Variants in MBD2 observed in about 807,000 individuals in gnomAD.
MBD2 encodes the protein methyl-CpG binding domain protein 2.
Under a neutral mutation model 39.3 loss-of-function variants are expected in MBD2, and 9 were observed. The ratio of observed to expected loss-of-function variants is 0.23; its 90% CI spans 0.14 to 0.40. MBD2 has a LOEUF of 0.40. MBD2 is among the 10% of genes least tolerant of loss of function. The probability of loss-of-function intolerance (pLI) is 1.00; values close to 1 mark genes in which losing one functional copy is unlikely to be tolerated. For synonymous variants in MBD2, 233 were observed against 211.1 expected, an observed-to-expected ratio of 1.10 and a Z score of -0.90; for missense variants, 458 against 532.6, an observed-to-expected ratio of 0.86 and a Z score of 1.38.
chr18:54,208,758 T>C (rs912981875), intron 1 of MBD2, among the ~76,000 whole-genome samples: 2 of 152,206 alleles, frequency 1.3e-5, no homozygotes, highest in Non-Finnish European at 2.9e-5. Context: ...TATCTTAAAG[T>C]TGAAATGTCA....
rs373844958 is a variant in MBD2, at chr18:54,168,615, G to T, written c.841-2449C>A. 4.4e-4 allele frequency among the ~76,000 whole-genome samples: 3 copies of T among 6,886 alleles called. No individual in the cohort carries two copies. The South Asian group carries it at 0.012, about 28-fold the overall frequency. The allele number at this position is 6,886 out of a possible 152,430, so 4.5% of individuals were successfully genotyped here. A position where few individuals can be genotyped will look rare whatever the true frequency, so the allele number is the denominator to read the frequency against. Reference sequence around the variant, plus strand: ...TATATATATTTATGTATGCATATTTGTGTGTGTGTGTGTGTGTGTGTGTGT... The same window carrying T: ...TATATATATTTATGTATGCATATTTTTGTGTGTGTGTGTGTGTGTGTGTGT... On this transcript the variant is annotated intron_variant, in intron 3 of 6. Coordinates refer to ENST00000256429, the MANE Select transcript of MBD2 (RefSeq NM_003927.5).
chr18:54,205,854 T>C (rs901939766), intron 1 of MBD2, among the ~76,000 whole-genome samples: 4 of 152,068 alleles, frequency 2.6e-5, no homozygotes, highest in Non-Finnish European at 4.4e-5. Flanking sequence ...AATGCTTTTT[T>C]TTTCCCTGCA....
intron 1 of MBD2, among the ~76,000 whole-genome samples, chr18:54,218,022 C>A (rs1409488479): frequency 1.3e-5 from 2 of 152,228 alleles, no homozygotes; most frequent in Admixed American, 1.3e-4. Flanking sequence ...AATCACACAA[C>A]ATCAAGAGAA....
At chr18:54,168,623 G>C (rs1400495764) in intron 3 of MBD2, among the ~76,000 whole-genome samples, 1 of 41,576 alleles carries the variant, frequency 2.4e-5, no homozygotes, top group Non-Finnish European at 4.5e-5. Context: ...TTGTGTGTGT[G>C]TGTGTGTGTG....
intron 1 of MBD2, among the ~76,000 whole-genome samples, chr18:54,216,034 T>C (rs1024593122): frequency 6.6e-6 from 1 of 151,964 alleles, no homozygotes; most frequent in Admixed American, 6.6e-5. Flanking sequence ...CTTGAACTCC[T>C]GACCTCAGGT....
chr18:54,172,463 G>T (rs1417706090), intron 3 of MBD2, among the ~76,000 whole-genome samples: 1 of 152,146 alleles, frequency 6.6e-6, no homozygotes, highest in South Asian at 2.1e-4. Context: ...GGAGTGATTT[G>T]CATATATAAC....
Position 54,154,794 on chromosome 18 carries a change from G to T in MBD2, c.*530C>A, listed in dbSNP as rs1012071009. 4.6e-5 allele frequency: 7 copies of T among 152,620 alleles called. No individual in the cohort carries two copies. The highest frequency in any genetic ancestry group is 1.9e-4 in the East Asian group (1 of 5,198). 9.5% of individuals were successfully genotyped at this position (152,620 alleles called of 1,614,324 possible). A position where few individuals can be genotyped will look rare whatever the true frequency, so the allele number is the denominator to read the frequency against. On this transcript the variant is annotated 3_prime_UTR_variant, in exon 7 of 7. Transcript: ENST00000256429. ...TAAATCAGAGGAAGGCTAACGAGGG[G>T]TTCTTTATTGTGTGTGCTTTTCAAC...
chr18:54,224,197 G>A lies in MBD2; in HGVS notation c.363C>T (p.Ala121=). The change falls in exon 1 of 7, where the codon GCC becomes GCT. Residue 121 remains alanine, a synonymous_variant. Transcript: ENST00000256429. Reference sequence around the variant, plus strand: ...GGAAAGGGACCGGCTCCCGCCGGGGGGCGCCGCCGCCACCGCTGCCGCCGC... The same window carrying A: ...GGAAAGGGACCGGCTCCCGCCGGGGAGCGCCGCCGCCACCGCTGCCGCCGC... ...CGGGGSGGGG[A]PRREPVPFPS... 2.5e-6 allele frequency: 3 copies of A among 1,209,006 alleles called. No individual in the cohort carries two copies. Among genetic ancestry groups the A allele is most frequent in the South Asian group, 8.0e-5 (2 of 24,876 alleles). 74.9% of individuals were successfully genotyped at this position (1,209,006 alleles called of 1,614,324 possible).
At chr18:54,173,728 C>G (rs2086193332) in intron 3 of MBD2, among the ~76,000 whole-genome samples, 1 of 152,120 alleles carries the variant, frequency 6.6e-6, no homozygotes, top group Non-Finnish European at 1.5e-5. Flanking sequence ...CTAAGGCTCT[C>G]CATGGTGGAG....
intron 2 of MBD2, among the ~76,000 whole-genome samples, chr18:54,201,906 A>G (rs951610012): frequency 2.0e-5 from 3 of 151,900 alleles, no homozygotes; most frequent in South Asian, 2.1e-4. Flanking sequence ...ACCTAAAGAT[A>G]TTATTCATCA....
At chr18:54,191,245 AG>A (rs2086318203) in intron 2 of MBD2, among the ~76,000 whole-genome samples, 1 of 152,198 alleles carries the variant, frequency 6.6e-6, no homozygotes, top group Admixed American at 6.5e-5. Context: ...GGTCTGAGAT[AG>A]GGCCTAGGAA....
At chr18:54,199,650 C>G (rs1226022149) in intron 2 of MBD2, among the ~76,000 whole-genome samples, 1 of 152,192 alleles carries the variant, frequency 6.6e-6, no homozygotes, top group African/African-American at 2.4e-5. Context: ...TCCTCTGCCC[C>G]AAGTGACCAA....
At chr18:54,204,862 G>C (rs2086436979) in intron 2 of MBD2, 136 bp downstream of exon 2, 1 of 727,640 alleles carries the variant, frequency 1.4e-6, no homozygotes, top group Non-Finnish European at 2.3e-6. Context: ...TCTCTTGCTG[G>C]GACAGGGTGG....
At chr18:54,200,768 ATTTAAT>A (rs552112245) in intron 2 of MBD2, among the ~76,000 whole-genome samples, 15 of 151,958 alleles carry the variant, frequency 9.9e-5, no homozygotes, top group South Asian at 2.1e-4. Flanking sequence ...ACATCTGGCT[ATTTAAT>A]TTTAAAGTAA....
intron 1 of MBD2, among the ~76,000 whole-genome samples, chr18:54,217,275 T>C (rs997904632): frequency 6.6e-6 from 1 of 152,200 alleles, no homozygotes; most frequent in Non-Finnish European, 1.5e-5. Context: ...TGAATTTGTA[T>C]TATACTGAGA....
chr18:54,204,043 T>C lies in MBD2; in HGVS notation c.702+955A>G, dbSNP rs571201410. 2.6e-5 allele frequency among the ~76,000 whole-genome samples: 4 copies of C among 152,324 alleles called. No individual in the cohort carries two copies. The South Asian group carries it at 6.2e-4, about 24-fold the overall frequency. On this transcript the variant is annotated intron_variant, in intron 2 of 6. Coordinates refer to ENST00000256429, the MANE Select transcript of MBD2 (RefSeq NM_003927.5). ...GTAGCAGAGCCAGTTCACCAAGCCA[T>C]GCCTTCCTGGGTCCAAAGCCCTTCT... is the stretch of plus-strand genomic sequence containing the variant.
chr18:54,160,082 C>A (rs2086084747), intron 5 of MBD2, 179 bp from the exon 6 acceptor site: 1 of 598,538 alleles, frequency 1.7e-6, no homozygotes, highest in Non-Finnish European at 2.9e-6. Context: ...ATGAGCCTTG[C>A]CAAAAAGAGG....
chr18:54,180,897 C>CTTTTTTTTTTTTGT (rs1211071727), intron 3 of MBD2, among the ~76,000 whole-genome samples: 1 of 105,372 alleles, frequency 9.5e-6, no homozygotes. Flanking sequence ...TTAATTTTTT[C>CTTTTTTTTTTTTGT]TTTTTCTTTT....
At chr18:54,213,328 G>A (rs185629210) in intron 1 of MBD2, among the ~76,000 whole-genome samples, 5 of 152,166 alleles carry the variant, frequency 3.3e-5, no homozygotes, top group East Asian at 1.9e-4. Context: ...CTGTACATGC[G>A]AGGGATCTAG....
Sources: allele counts gnomAD v4.1 joint callset (sites outside exome capture counted in the v4.1 genomes callset), GRCh38; gene constraint gnomAD v4.1.1; transcripts MANE v1.5; gene names NCBI Gene and HGNC (gene_info 2026-07-23, HGNC 2026-07-21).